The following HMGCLL1 variants were observed in gnomAD, a reference collection of about 807,000 sequenced individuals.
HMGCLL1 encodes the protein 3-hydroxymethyl-3-methylglutaryl-CoA lyase, cytoplasmic.
In HMGCLL1, 36 loss-of-function variants were observed where a neutral mutation model predicts 39.1. The ratio of observed to expected loss-of-function variants is 0.92; its 90% CI spans 0.71 to 1.22. The LOEUF (loss-of-function observed/expected upper bound fraction) is 1.22. Among genes scored for constraint, HMGCLL1 ranks in the 50% most tolerant of loss-of-function variants. The pLI is 0.00. For missense variants in HMGCLL1, 451 were observed against 416.5 expected (o/e 1.08, Z -0.72); for synonymous variants, 149 against 144.0 (o/e 1.03, Z -0.25).
At chr6:55,587,931 G>T in the HMGCLL1 span, among the ~76,000 whole-genome samples, 13 of 152,076 alleles carry the variant, frequency 8.5e-5, no homozygotes, top group East Asian at 1.9e-4. Context: ...ACAAAGAGAC[G>T]TAGACTCCCA....
At chr6:55,525,294 G>A (rs1439603457) in intron 3 of HMGCLL1, among the ~76,000 whole-genome samples, 1 of 151,916 alleles carries the variant, frequency 6.6e-6, no homozygotes, top group Non-Finnish European at 1.5e-5. Context: ...CTAAAACAGA[G>A]TTAGGGTATA....
At chr6:55,507,251 A>T (rs1271985852) in intron 5 of HMGCLL1, among the ~76,000 whole-genome samples, 1 of 151,784 alleles carries the variant, frequency 6.6e-6, no homozygotes, top group Non-Finnish European at 1.5e-5. Flanking sequence ...ATACATATGT[A>T]TGTAAAGGAT....
At chr6:55,459,307 AGT>A (rs1764456442) in intron 7 of HMGCLL1, among the ~76,000 whole-genome samples, 1 of 152,114 alleles carries the variant, frequency 6.6e-6, no homozygotes, top group Admixed American at 6.6e-5. Flanking sequence ...GATTATGAGA[AGT>A]GTTAATTCAG....
intron 7 of HMGCLL1, among the ~76,000 whole-genome samples, chr6:55,472,356 A>T (rs1765084727): frequency 6.6e-6 from 1 of 151,538 alleles, no homozygotes; most frequent in Non-Finnish European, 1.5e-5. Flanking sequence ...TTTAATTTAC[A>T]TTTCTCTGAT....
At chr6:55,528,551 T>C (rs562475445) in intron 3 of HMGCLL1, among the ~76,000 whole-genome samples, 1 of 151,876 alleles carries the variant, frequency 6.6e-6, no homozygotes, top group African/African-American at 2.4e-5. Context: ...ACAGAGGAGA[T>C]CTTGGTCTGC....
chr6:55,559,962 A>G (rs1057325394), intron 1 of HMGCLL1, among the ~76,000 whole-genome samples: 4 of 152,150 alleles, frequency 2.6e-5, no homozygotes, highest in African/African-American at 9.7e-5. Context: ...AAAATAAACT[A>G]CTTCTTATAT....
upstream of HMGCLL1, among the ~76,000 whole-genome samples, chr6:55,580,069 T>A (rs545355876): frequency 2.6e-5 from 4 of 152,246 alleles, no homozygotes; most frequent in African/African-American, 9.6e-5. Flanking sequence ...AGGGTGTCCA[T>A]GGCCAGGAAT....
intron 3 of HMGCLL1, among the ~76,000 whole-genome samples, chr6:55,539,602 T>C (rs968830448): frequency 5.3e-5 from 8 of 151,414 alleles, no homozygotes; most frequent in African/African-American, 1.9e-4. Flanking sequence ...AACATAGGAA[T>C]AGAAAACCAA....
intron 6 of HMGCLL1, among the ~76,000 whole-genome samples, chr6:55,497,126 G>C (rs1328115377): frequency 6.6e-6 from 1 of 152,020 alleles, no homozygotes; most frequent in Non-Finnish European, 1.5e-5. Flanking sequence ...ATGCATAAAG[G>C]CAGCATGGTA....
chr6:55,563,085 A>C (rs1442875263), intron 1 of HMGCLL1, among the ~76,000 whole-genome samples: 2 of 152,100 alleles, frequency 1.3e-5, no homozygotes, highest in African/African-American at 4.8e-5. Flanking sequence ...TTCAGTGGCT[A>C]TGTGTATATG....
chr6:55,523,509 A>G (rs1373690856), intron 3 of HMGCLL1, among the ~76,000 whole-genome samples: 2 of 151,960 alleles, frequency 1.3e-5, no homozygotes, highest in East Asian at 3.9e-4. Flanking sequence ...TTGGAATACC[A>G]TTTAATTCCT....
intron 5 of HMGCLL1, among the ~76,000 whole-genome samples, chr6:55,509,696 T>TA (rs948856694): frequency 4.0e-5 from 6 of 151,722 alleles, no homozygotes; most frequent in Non-Finnish European, 7.4e-5. Context: ...CTGAATCAGT[T>TA]AAAAAAAATA....
At chr6:55,573,227 C>T (rs567576040) in intron 1 of HMGCLL1, among the ~76,000 whole-genome samples, 21 of 152,238 alleles carry the variant, frequency 1.4e-4, no homozygotes, top group Admixed American at 3.3e-4. Flanking sequence ...GTTATCTCTA[C>T]GCTTATTGTT....
chr6:55,450,024 C>G (rs1581792665), intron 7 of HMGCLL1, among the ~76,000 whole-genome samples: 1 of 151,968 alleles, frequency 6.6e-6, no homozygotes, highest in East Asian at 1.9e-4. Context: ...CCTGAAGGAA[C>G]TTGGCTAGAA....
At chr6:55,467,703 G>T (rs1476473186) in intron 7 of HMGCLL1, among the ~76,000 whole-genome samples, 6 of 152,156 alleles carry the variant, frequency 3.9e-5, no homozygotes, top group South Asian at 4.1e-4. Context: ...GAGTGTTTCT[G>T]TTGAAACTAT....
the HMGCLL1 span, among the ~76,000 whole-genome samples, chr6:55,638,547 A>AAAAAAC: frequency 6.6e-6 from 1 of 152,082 alleles, no homozygotes. Flanking sequence ...AGGCAAACCT[A>AAAAAAC]AAAAACAAAA....
At chr6:55,510,223 G>A (rs2127433792) in intron 5 of HMGCLL1, among the ~76,000 whole-genome samples, 1 of 151,922 alleles carries the variant, frequency 6.6e-6, no homozygotes, top group Non-Finnish European at 1.5e-5. Context: ...ATGATTCTTG[G>A]CCATCTTATA....
intron 7 of HMGCLL1, among the ~76,000 whole-genome samples, chr6:55,487,538 C>T (rs926944619): frequency 1.3e-5 from 2 of 151,874 alleles, no homozygotes; most frequent in South Asian, 2.1e-4. Flanking sequence ...TGAGTGAGAA[C>T]ATGTGGTGTT....
chr6:55,661,944 G>T, the HMGCLL1 span, among the ~76,000 whole-genome samples: 1 of 151,868 alleles, frequency 6.6e-6, no homozygotes, highest in Admixed American at 6.6e-5. Flanking sequence ...CTGATTAGCT[G>T]CATTCGTAGG....
Sources: gnomAD v4.1 joint callset for allele counts (sites outside exome capture counted in the v4.1 genomes callset) on GRCh38, gnomAD v4.1.1 for gene constraint, MANE v1.5 for transcripts, NCBI Gene and HGNC (gene_info 2026-07-23, HGNC 2026-07-21) for gene names.